Variants in IFTAP observed in about 807,000 individuals in gnomAD.
IFTAP encodes intraflagellar transport-associated protein.
Under a neutral mutation model 19.4 loss-of-function variants are expected in IFTAP, and 19 were observed. The ratio of observed to expected loss-of-function variants is 0.98; its 90% CI spans 0.68 to 1.44. The LOEUF is 1.44. IFTAP is among the 40% of genes most tolerant of loss of function. The probability of loss-of-function intolerance (pLI) is 0.00; values close to 1 mark genes in which losing one functional copy is unlikely to be tolerated. For synonymous variants in IFTAP, 85 were observed against 83.5 expected, an observed-to-expected ratio of 1.02 and a Z score of -0.10; for missense variants, 240 against 253.6, an observed-to-expected ratio of 0.95 and a Z score of 0.36.
At position 36,648,061 on chromosome 11, in the gene IFTAP, G is replaced by C; in HGVS notation, c.404G>C (p.Ser135Thr). Residue 135 changes from serine to threonine, a missense_variant, in exon 5 of 6, where the codon AGC becomes ACC. Ser to Thr is a moderately conservative substitution (Grantham distance 58). Transcript: ENST00000334307. ...GAAGTGGAGCAGGATGTAAGCACCA[G>C]CATTCCTTCCTGTATCCCTTTTGTG... The part of the protein sequence containing the change: ...PGEVEQDVST[S>T]IPSCIPFVAQ... 1 of 1,613,350 alleles carries C rather than the reference G, an allele frequency of 6.2e-7. No individual in the cohort carries two copies. The highest frequency in any genetic ancestry group is 2.2e-5 in the East Asian group (1 of 44,858).
intron 2 of IFTAP, among the ~76,000 whole-genome samples, chr11:36,632,617 G>A (rs185235590): frequency 1.2e-4 from 18 of 151,332 alleles, no homozygotes; most frequent in Middle Eastern, 6.8e-3. Flanking sequence ...TTAGTACAAA[G>A]ATATTCATTG....
chr11:36,644,972 C>T (rs1403579768), intron 4 of IFTAP, among the ~76,000 whole-genome samples: 1 of 150,704 alleles, frequency 6.6e-6, no homozygotes, highest in Non-Finnish European at 1.5e-5. Flanking sequence ...ACGTTGTGCA[C>T]ATGTACCCTA....
intron 2 of IFTAP, among the ~76,000 whole-genome samples, chr11:36,619,866 G>A (rs1852231154): frequency 6.6e-6 from 1 of 151,926 alleles, no homozygotes; most frequent in South Asian, 2.1e-4. Context: ...AAGGCAACTC[G>A]GGAAGCGCTT....
intron 3 of IFTAP, 78 bp downstream of exon 3, chr11:36,633,516 A>G (rs530144679): frequency 1.2e-4 from 136 of 1,161,912 alleles, no homozygotes; most frequent in Non-Finnish European, 1.6e-4. Flanking sequence ...AAGAGACCCT[A>G]CTAAACACTA....
intron 4 of IFTAP, among the ~76,000 whole-genome samples, chr11:36,642,608 A>G (rs1002855885): frequency 5.9e-5 from 9 of 152,330 alleles, no homozygotes; most frequent in South Asian, 2.1e-4. Context: ...AAAATCCTCA[A>G]TAAAATACTA....
chr11:36,658,298 T>C (rs569576070), intron 5 of IFTAP, among the ~76,000 whole-genome samples: 46 of 152,134 alleles, frequency 3.0e-4, no homozygotes, highest in Middle Eastern at 3.4e-3. Context: ...ACAAGAGATT[T>C]AAGGCATACT....
At chr11:36,642,580 CT>C (rs1853269410) in intron 4 of IFTAP, among the ~76,000 whole-genome samples, 1 of 152,084 alleles carries the variant, frequency 6.6e-6, no homozygotes, top group Non-Finnish European at 1.5e-5. Flanking sequence ...ACCAATATCC[CT>C]CATGAACATC....
At position 36,659,067 on chromosome 11, in the gene IFTAP, T is replaced by G. The variant is rs1477408832; in HGVS notation, c.547T>G (p.Tyr183Asp). Residue 183 changes from tyrosine to aspartate, a missense_variant, in exon 6 of 6, where the codon TAT becomes GAT. Coordinates refer to ENST00000334307, the MANE Select transcript of IFTAP (RefSeq NM_138787.4). The stretch of plus-strand genomic sequence containing the variant: ...TTTTTCACTTGATGAAGAATTTGAT[T>G]ATGACAATGTGATGCTAACCTCCAA... ...QLFSLDEEFD[Y>D]DNVMLTSKFS... The G allele has an allele frequency of 6.2e-7, 1 of 1,608,486 alleles. No individual in the cohort carries two copies.
At chr11:36,608,260 T>C (rs934447925) in intron 1 of IFTAP, among the ~76,000 whole-genome samples, 2 of 152,138 alleles carry the variant, frequency 1.3e-5, no homozygotes, top group African/African-American at 4.8e-5. Flanking sequence ...ACTGGCAGAG[T>C]CAGGAGATAC....
chr11:36,604,411 GT>G (rs1851618821), intron 1 of IFTAP, among the ~76,000 whole-genome samples: 4 of 152,218 alleles, frequency 2.6e-5, no homozygotes, highest in Admixed American at 2.6e-4. Flanking sequence ...AGAATTGTAT[GT>G]TTTTTATTTC....
At chr11:36,652,401 T>G (rs1210975229) in intron 5 of IFTAP, among the ~76,000 whole-genome samples, 3 of 152,230 alleles carry the variant, frequency 2.0e-5, no homozygotes, top group Non-Finnish European at 1.5e-5. Context: ...CACATTGATT[T>G]TGTATCCTGA....
At chr11:36,614,001 C>G (rs1016624195) in intron 2 of IFTAP, among the ~76,000 whole-genome samples, 1 of 151,432 alleles carries the variant, frequency 6.6e-6, no homozygotes, top group Non-Finnish European at 1.5e-5. Flanking sequence ...ATGTGCCATG[C>G]TGGTGCACTG....
chr11:36,618,768 A>C (rs1295212855), intron 2 of IFTAP, among the ~76,000 whole-genome samples: 1 of 152,052 alleles, frequency 6.6e-6, no homozygotes, highest in African/African-American at 2.4e-5. Context: ...AGAATTTTAA[A>C]ACAAACAAAC....
chr11:36,652,587 A>G (rs545388118), intron 5 of IFTAP, among the ~76,000 whole-genome samples: 3 of 152,212 alleles, frequency 2.0e-5, no homozygotes, highest in East Asian at 1.9e-4. Context: ...TTCCAACACT[A>G]TGTTGAATAG....
chr11:36,629,747 T>TGGTGGGG (rs1852657778), intron 2 of IFTAP, among the ~76,000 whole-genome samples: 1 of 151,162 alleles, frequency 6.6e-6, no homozygotes, highest in Admixed American at 6.6e-5. Context: ...CCTATAGGTG[T>TGGTGGGG]GGTGGGGGCC....
At chr11:36,658,701 C>T (rs1467804124) in intron 5 of IFTAP, among the ~76,000 whole-genome samples, 1 of 152,090 alleles carries the variant, frequency 6.6e-6, no homozygotes, top group Non-Finnish European at 1.5e-5. Context: ...CTGTATGCTT[C>T]TGTAGTCCTG....
At chr11:36,618,040 C>T (rs1304577535) in intron 2 of IFTAP, among the ~76,000 whole-genome samples, 1 of 151,912 alleles carries the variant, frequency 6.6e-6, no homozygotes, top group Non-Finnish European at 1.5e-5. Context: ...TGAGTTCTTT[C>T]GTACATTTTA....
rs546672274 is a variant in IFTAP at position 36,644,428 on chromosome 11, G to T, written c.359-3588G>T. 7.9e-5 allele frequency among the ~76,000 whole-genome samples: 12 copies of T among 152,330 alleles called. No homozygotes were observed. In the South Asian group the frequency reaches 1.4e-3, roughly 18 times the overall value. On this transcript the variant is annotated intron_variant, in intron 4 of 5. Transcript: ENST00000334307. Reference sequence around the variant, plus strand: ...ACTGTAAACTAGTTCAACTATTGCGGAAGACAGTGTGGCGATTCCTCAAGG... The same window carrying T: ...ACTGTAAACTAGTTCAACTATTGCGTAAGACAGTGTGGCGATTCCTCAAGG...
At chr11:36,629,379 C>T (rs1046029140) in intron 2 of IFTAP, among the ~76,000 whole-genome samples, 4 of 151,282 alleles carry the variant, frequency 2.6e-5, no homozygotes, top group Non-Finnish European at 5.9e-5. Context: ...TATTCAATAT[C>T]TCCTCTCAAC....
Sources: gnomAD v4.1 joint callset for allele counts (sites outside exome capture counted in the v4.1 genomes callset) on GRCh38, gnomAD v4.1.1 for gene constraint, MANE v1.5 for transcripts, NCBI Gene and HGNC (gene_info 2026-07-23, HGNC 2026-07-21) for gene names.